SIGLEC1: variants seen among roughly 807,000 people sequenced by gnomAD.
SIGLEC1 encodes the protein sialic acid binding Ig like lectin 1.
Under a neutral mutation model 148.0 loss-of-function variants are expected in SIGLEC1, and 132 were observed. That is an observed-to-expected ratio of 0.89 (90% CI 0.77 to 1.03). The LOEUF (loss-of-function observed/expected upper bound fraction) is 1.03, where lower values mean the gene tolerates loss of function less well. Ranked by LOEUF, SIGLEC1 falls within the 50% of genes least tolerant of loss-of-function variation. The pLI, the probability that SIGLEC1 is intolerant of heterozygous loss-of-function variation, is 0.00. For synonymous variants in SIGLEC1, 945 were observed against 969.0 expected, an observed-to-expected ratio of 0.98 and a Z score of 0.46; for missense variants, 2,253 against 2,271.4, an observed-to-expected ratio of 0.99 and a Z score of 0.16.
intron 11 of SIGLEC1, among the ~76,000 whole-genome samples, chr20:3,695,935 C>G (rs887569514): frequency 2.0e-5 from 3 of 151,956 alleles, no homozygotes; most frequent in African/African-American, 7.3e-5. Flanking sequence ...CCTTAGCCTC[C>G]CGAGTAACTG....
chr20:3,688,462 G>T lies in SIGLEC1; in HGVS notation c.*98C>A, dbSNP rs1456934636. 9.7e-7 allele frequency: 1 copy of T among 1,028,592 alleles called. No homozygotes were observed. The highest frequency in any genetic ancestry group is 1.5e-6 in the Non-Finnish European group (1 of 672,180). 63.7% of individuals were successfully genotyped at this position (1,028,592 alleles called of 1,614,324 possible). On this transcript the variant is annotated 3_prime_UTR_variant, in exon 22 of 22. Transcript: ENST00000344754. ...GATGTCACAGAGCTGTTTTCGTAGA[G>T]GCGGGCAGGACTCAACACTGCCTCA...
intron 1 of SIGLEC1, among the ~76,000 whole-genome samples, chr20:3,709,967 T>G (rs1484617039): frequency 3.3e-5 from 5 of 152,144 alleles, no homozygotes; most frequent in Admixed American, 3.3e-4. Context: ...GTTCTGGAAA[T>G]AGTGGTGATG....
At chr20:3,699,529 CT>C in intron 7 of SIGLEC1, 70 bp from the exon 8 acceptor site, 1 of 1,536,590 alleles carries the variant, frequency 6.5e-7, no homozygotes, top group Non-Finnish European at 8.8e-7. Context: ...TATAGAAAGC[CT>C]TCCAGGGTTC....
rs2087810735 is a variant in SIGLEC1 at position 3,697,304 on chromosome 20, C to T, written c.2161G>A (p.Glu721Lys). Reference sequence around the variant, plus strand: ...CAAGTCAAGTTGGCTTCTGTGCCCTCCTGAAGTGTGTGTGATGGTGCAATG... The same window carrying T: ...CAAGTCAAGTTGGCTTCTGTGCCCTTCTGAAGTGTGTGTGATGGTGCAATG... ...LAIAPSHTLQ[E>K]GTEANLTCNV... The change falls in exon 10 of 22, where the codon GAG (glutamate) becomes AAG (lysine). Residue 721 changes from glutamate to lysine, a missense_variant. Physicochemically the swap from Glu to Lys is moderately conservative, Grantham distance 56. Transcript: ENST00000344754. 1 of 1,613,806 alleles carries T rather than the reference C, an allele frequency of 6.2e-7. No homozygotes were observed. Among genetic ancestry groups the T allele is most frequent in the African/African-American group, 1.3e-5 (1 of 74,916 alleles).
At chr20:3,707,577 C>T (rs1189470881) in intron 1 of SIGLEC1, among the ~76,000 whole-genome samples, 1 of 152,148 alleles carries the variant, frequency 6.6e-6, no homozygotes, top group Non-Finnish European at 1.5e-5. Context: ...CTCCAAGACA[C>T]CCAGCTAGAA....
At position 3,697,130 on chromosome 20, in the gene SIGLEC1, CAGT is replaced by C. The variant is rs756202915; in HGVS notation, c.2332_2334del (p.Thr778del). On this transcript the variant is annotated inframe_deletion, in exon 10 of 22. Coordinates refer to ENST00000344754, the MANE Select transcript of SIGLEC1 (RefSeq NM_023068.4). ...GGAGTGGAGAGCTGGGCACCAGCCT[CAGT>C]CAGGATGCGGCAGGCGTAAAGGGCA... is the stretch of plus-strand genomic sequence containing the variant. The C allele has an allele frequency of 4.3e-6, 7 of 1,613,438 alleles. No homozygotes were observed. The highest frequency in any genetic ancestry group is 5.9e-6 in the Non-Finnish European group (7 of 1,179,906).
chr20:3,690,371 C>A lies in SIGLEC1; in HGVS notation c.4592-107G>T, dbSNP rs796973861. 4.4e-5 allele frequency: 38 copies of A among 864,214 alleles called. No homozygotes were observed. In the African/African-American group the frequency reaches 5.1e-4, roughly 12 times the overall value. 53.5% of individuals were successfully genotyped at this position (864,214 alleles called of 1,614,324 possible). On this transcript the variant is annotated intron_variant, in intron 18 of 21. Coordinates refer to ENST00000344754, the MANE Select transcript of SIGLEC1 (RefSeq NM_023068.4). ...CTGCTCCTCCCATTAAGAGGCAGAA[C>A]CTATTTCCTCACTCCTTGAATCTGT... is the stretch of plus-strand genomic sequence containing the variant.
chr20:3,694,174 G>C (rs1338847853), intron 13 of SIGLEC1, 47 bp downstream of exon 13: 1 of 1,164,454 alleles, frequency 8.6e-7, no homozygotes, highest in South Asian at 1.5e-5. Flanking sequence ...TCTTTTAAAG[G>C]ACACACACAC....
chr20:3,701,818 G>A (rs1021401071), intron 6 of SIGLEC1, among the ~76,000 whole-genome samples, 177 bp from the exon 7 acceptor site: 1 of 152,166 alleles, frequency 6.6e-6, no homozygotes, highest in African/African-American at 2.4e-5. Context: ...GGCTGGGTAC[G>A]TCACTCTGTT....
Position 3,706,404 on chromosome 20 carries a change from C to T in SIGLEC1, c.352G>A (p.Glu118Lys), listed in dbSNP as rs200234438. 31 of 1,613,990 alleles carry T rather than the reference C, an allele frequency of 1.9e-5. No homozygotes were observed. The highest frequency in any genetic ancestry group is 2.4e-5 in the Non-Finnish European group (28 of 1,180,008). Residue 118 changes from glutamate (E) to lysine (K), a missense_variant, in exon 3 of 22, where the codon GAG becomes AAG. Transcript: ENST00000344754. ...EDSGSYNFRF[E>K]ISEVNRWSDV... Reference sequence around the variant, plus strand: ...GACCAGCGGTTGACCTCACTGATCTCGAAGCGGAAGTTGTAGGAACCAGAG... The same window carrying T: ...GACCAGCGGTTGACCTCACTGATCTTGAAGCGGAAGTTGTAGGAACCAGAG...
Position 3,707,113 on chromosome 20 carries a change from T to G in SIGLEC1, c.16A>C (p.Lys6Gln). The G allele has an allele frequency of 6.2e-7, 1 of 1,614,090 alleles. No homozygotes were observed. The highest frequency in any genetic ancestry group is 8.5e-7 in the Non-Finnish European group (1 of 1,179,984). Residue 6 changes from lysine to glutamine, a missense_variant, in exon 2 of 22, where the codon AAG (lysine) becomes CAG (glutamine). Lys to Gln is a moderately conservative substitution (Grantham distance 53, BLOSUM62 1). Coordinates refer to ENST00000344754, the MANE Select transcript of SIGLEC1 (RefSeq NM_023068.4). The part of the protein sequence containing the change: MGFLP[K>Q]LLLLASFFPA... ...AAGAATGAGGCCAGGAGGAGAAGCT[T>G]GGGCAAGAAGCCCATAGCAGGTTCT...
At chr20:3,697,703 A>G (rs1267106172) in intron 9 of SIGLEC1, 95 bp downstream of exon 9, 4 of 1,159,662 alleles carry the variant, frequency 3.4e-6, no homozygotes, top group Non-Finnish European at 5.0e-6. Context: ...CCACTGCTGC[A>G]CAGAGTGGTT....
chr20:3,695,843 C>G (rs143653999), intron 11 of SIGLEC1, among the ~76,000 whole-genome samples: 15 of 151,514 alleles, frequency 9.9e-5, no homozygotes, highest in African/African-American at 3.4e-4. Flanking sequence ...AAGACAGAGT[C>G]TCACTCTGTC....
In SIGLEC1 at chr20:3,692,031, T is replaced by C; in HGVS notation, c.4202A>G (p.His1401Arg). The C allele has an allele frequency of 1.9e-6, 3 of 1,613,310 alleles. No homozygotes were observed. Among genetic ancestry groups the C allele is most frequent in the Non-Finnish European group, 2.5e-6 (3 of 1,179,818 alleles). ...GVHSLASGTGHVQVARNALRL... is the reference protein window; with the variant it reads ...GVHSLASGTGRVQVARNALRL... ...TAGGGCGTTTCGGGCCACCTGGACA[T>C]GGCCTGTCCCTGATGCCAAGCTGTG... The change falls in exon 17 of 22, where the codon CAT becomes CGT. Residue 1401 changes from histidine to arginine, a missense_variant. Coordinates refer to ENST00000344754, the MANE Select transcript of SIGLEC1 (RefSeq NM_023068.4).
rs1447778051 is a variant in SIGLEC1, at chr20:3,697,886, G to A, written c.2034C>T (p.Asn678=). The change falls in exon 9 of 22, where the codon AAC becomes AAT. Residue 678 remains asparagine (N), a synonymous_variant. Coordinates refer to ENST00000344754, the MANE Select transcript of SIGLEC1 (RefSeq NM_023068.4). ...APNLLRVEIH[N]PLLEEEGLYL... is the part of the protein sequence containing the mutation. Reference sequence around the variant, plus strand: ...ACAAGCCCTCCTCTTCCAGCAAAGGGTTGTGAATCTCCACACGCAGCAAGT... The same window carrying A: ...ACAAGCCCTCCTCTTCCAGCAAAGGATTGTGAATCTCCACACGCAGCAAGT... The A allele has an allele frequency of 6.2e-7, 1 of 1,613,056 alleles. No individual in the cohort carries two copies. The highest frequency in any genetic ancestry group is 8.5e-7 in the Non-Finnish European group (1 of 1,180,002).
At position 3,692,095 on chromosome 20, in the gene SIGLEC1, A is replaced by G. The variant is rs143664589; in HGVS notation, c.4138T>C (p.Ser1380Pro). The stretch of plus-strand genomic sequence containing the variant: ...GTGGCCAGCACCTTGCCATCATGAG[A>G]TAGGGCCAGCTCAGCAGGTGGCTCA... ...DSEPPAELAL[S>P]HDGKVLATSS... Residue 1380 changes from serine (S) to proline (P), a missense_variant, in exon 17 of 22, where the codon TCT (serine) becomes CCT (proline). Coordinates refer to ENST00000344754, the MANE Select transcript of SIGLEC1 (RefSeq NM_023068.4). 1.6e-5 allele frequency: 26 copies of G among 1,609,388 alleles called. No homozygotes were observed. The East Asian group carries it at 5.8e-4, about 36-fold the overall frequency.
intron 6 of SIGLEC1, 25 bp downstream of exon 6, chr20:3,703,172 G>A: frequency 1.9e-6 from 3 of 1,613,130 alleles, no homozygotes; most frequent in Non-Finnish European, 2.5e-6. Context: ...ACTGTGTCCA[G>A]TGCCACCCCA....
At position 3,687,885 on chromosome 20, in the gene SIGLEC1, G is replaced by T. The variant is rs2088714700; in HGVS notation, c.*675C>A. The T allele has an allele frequency of 6.5e-6, 1 of 154,534 alleles. No individual in the cohort carries two copies. Among genetic ancestry groups the T allele is most frequent in the Non-Finnish European group, 1.4e-5 (1 of 69,408 alleles). 9.6% of individuals were successfully genotyped at this position (154,534 alleles called of 1,614,324 possible). The stretch of plus-strand genomic sequence containing the variant: ...CAGCCAATGGGAAGTGAGTGGAAAA[G>T]TCCTGTGCAGCTTCTGAGTTGCGTC... On this transcript the variant is annotated 3_prime_UTR_variant, in exon 22 of 22. Transcript: ENST00000344754.
intron 20 of SIGLEC1, 58 bp downstream of exon 20, chr20:3,689,542 A>C (rs953637700): frequency 8.2e-7 from 1 of 1,218,786 alleles, no homozygotes; most frequent in African/African-American, 1.5e-5. Flanking sequence ...ATTTGGGGAG[A>C]AGACGAGGTG....
Sources: gnomAD v4.1 joint callset for allele counts (sites outside exome capture counted in the v4.1 genomes callset) on GRCh38, gnomAD v4.1.1 for gene constraint, MANE v1.5 for transcripts, NCBI Gene and HGNC (gene_info 2026-07-23, HGNC 2026-07-21) for gene names.